The following PDE3B variants were observed in gnomAD, a reference collection of about 807,000 sequenced individuals.
The protein encoded by PDE3B is phosphodiesterase 3B.
In PDE3B, 66 loss-of-function variants were observed where a neutral mutation model predicts 116.8. The observed-to-expected ratio is 0.56, with a 90% CI of 0.46 to 0.69. The LOEUF is 0.69. Ranked by LOEUF, PDE3B falls within the 30% of genes least tolerant of loss-of-function variation. The probability of loss-of-function intolerance (pLI) is 0.00; values close to 1 mark genes in which losing one functional copy is unlikely to be tolerated. For synonymous variants in PDE3B, 595 were observed against 533.6 expected (o/e 1.12, Z -1.59); for missense variants, 1,384 against 1,368.1 (o/e 1.01, Z -0.18).
intron 1 of PDE3B, among the ~76,000 whole-genome samples, chr11:14,655,109 T>C (rs1853677407): frequency 6.6e-6 from 1 of 152,148 alleles, no homozygotes; most frequent in Non-Finnish European, 1.5e-5. Flanking sequence ...TCTGACTGTA[T>C]ACTCTTTGCA....
At chr11:14,818,999 C>A (rs538768963) in intron 6 of PDE3B, 137 bp from the exon 7 acceptor site, 166 of 531,524 alleles carry the variant, frequency 3.1e-4, no homozygotes, top group African/African-American at 2.7e-3. Flanking sequence ...AGCCTTTGAA[C>A]TTTATGGAGA....
intron 1 of PDE3B, among the ~76,000 whole-genome samples, chr11:14,687,513 G>A (rs899060037): frequency 5.3e-5 from 8 of 152,162 alleles, no homozygotes; most frequent in Admixed American, 3.3e-4. Flanking sequence ...TTAATATTAA[G>A]CATTAAACTT....
At chr11:14,834,916 GGAAATTATT>G (rs1860006817) in intron 10 of PDE3B, 57 bp from the exon 11 acceptor site, 4 of 795,478 alleles carry the variant, frequency 5.0e-6, no homozygotes, top group Non-Finnish European at 4.1e-6. Flanking sequence ...AGTATGACTA[GGAAATTATT>G]GTACTTTTTA....
intron 1 of PDE3B, among the ~76,000 whole-genome samples, chr11:14,725,699 T>G (rs1456557957): frequency 6.7e-6 from 1 of 148,806 alleles, no homozygotes. Flanking sequence ...TACTCCATCT[T>G]TAACATTTGT....
chr11:14,806,297 A>T (rs1174398339), intron 5 of PDE3B, among the ~76,000 whole-genome samples: 3 of 151,150 alleles, frequency 2.0e-5, no homozygotes, highest in African/African-American at 7.3e-5. Flanking sequence ...AAAAAAAAAA[A>T]ATCAGCTGGG....
chr11:14,660,377 C>G (rs969712318), intron 1 of PDE3B, among the ~76,000 whole-genome samples: 1 of 151,542 alleles, frequency 6.6e-6, no homozygotes, highest in Non-Finnish European at 1.5e-5. Flanking sequence ...TCTCGGCTCA[C>G]TGCAACCTCT....
At chr11:14,817,792 C>T (rs1227025208) in intron 5 of PDE3B, among the ~76,000 whole-genome samples, 2 of 151,906 alleles carry the variant, frequency 1.3e-5, no homozygotes, top group Non-Finnish European at 2.9e-5. Flanking sequence ...GAAAATAATT[C>T]AATAAAATTT....
intron 1 of PDE3B, among the ~76,000 whole-genome samples, chr11:14,747,823 A>G (rs1289272311): frequency 1.3e-5 from 2 of 152,198 alleles, no homozygotes; most frequent in African/African-American, 2.4e-5. Context: ...AACGCATGTA[A>G]TATACATATT....
intron 1 of PDE3B, among the ~76,000 whole-genome samples, chr11:14,737,943 T>C (rs1219761126): frequency 6.6e-6 from 1 of 152,194 alleles, no homozygotes; most frequent in African/African-American, 2.4e-5. Flanking sequence ...GCAAAGGACA[T>C]GAACTCATCA....
intron 1 of PDE3B, among the ~76,000 whole-genome samples, chr11:14,682,356 T>C (rs1328090153): frequency 6.6e-6 from 1 of 152,368 alleles, no homozygotes; most frequent in East Asian, 1.9e-4. Context: ...TCCTGCTTTA[T>C]TGTACTGGCT....
chr11:14,879,345 C>T, the PDE3B span: 2 of 1,612,514 alleles, frequency 1.2e-6, no homozygotes, highest in East Asian at 2.2e-5. Flanking sequence ...CTTAAAACTT[C>T]ATGCAAAACT....
At chr11:14,837,134 C>A (rs1346334373) in intron 11 of PDE3B, among the ~76,000 whole-genome samples, 2 of 152,200 alleles carry the variant, frequency 1.3e-5, no homozygotes, top group African/African-American at 4.8e-5. Context: ...TTAAAGACAG[C>A]AGCATAACAT....
chr11:14,697,224 C>T (rs558478637), intron 1 of PDE3B, among the ~76,000 whole-genome samples: 1 of 152,200 alleles, frequency 6.6e-6, no homozygotes, highest in South Asian at 2.1e-4. Context: ...AGCTGTGAGC[C>T]ACCACACCTG....
chr11:14,680,622 A>G (rs1214777174), intron 1 of PDE3B, among the ~76,000 whole-genome samples: 1 of 152,174 alleles, frequency 6.6e-6, no homozygotes, highest in East Asian at 1.9e-4. Context: ...ATTTGTATGT[A>G]CACTTATTGT....
chr11:14,891,615 A>G, the PDE3B span: 1 of 1,068,800 alleles, frequency 9.4e-7, no homozygotes, highest in Middle Eastern at 4.4e-4. Flanking sequence ...GCCGACTCGC[A>G]AGACGCCCGC....
chr11:14,798,623 C>T (rs918191062), intron 4 of PDE3B, among the ~76,000 whole-genome samples: 4 of 152,080 alleles, frequency 2.6e-5, no homozygotes, highest in Non-Finnish European at 4.4e-5. Context: ...TGTTATTGGT[C>T]GGTTCAGGGA....
rs150678041 is a variant in PDE3B, at chr11:14,786,674, A to G, written c.1267A>G (p.Lys423Glu). 8.1e-6 allele frequency: 13 copies of G among 1,610,666 alleles called. No homozygotes were observed. Among genetic ancestry groups the G allele is most frequent in the Non-Finnish European group, 1.1e-5 (13 of 1,177,126 alleles). Residue 423 changes from lysine to glutamate, a missense_variant, in exon 3 of 16, where the codon AAA becomes GAA. This residue lies in a region of PDE3B where 956 missense variants were observed against 806.8 expected (regional missense o/e 1.18). Coordinates refer to ENST00000282096, the MANE Select transcript of PDE3B (RefSeq NM_000922.4). ...GGACCCAGCTGAGAAAGGGGATAGA[A>G]AACTTAACAAGGTCGAAATACAGTA... Reference protein sequence around the residue: ...IEDPAEKGDRKLNKGLNRNSL... With the variant: ...IEDPAEKGDRELNKGLNRNSL...
At chr11:14,809,634 A>G (rs919570889) in intron 5 of PDE3B, among the ~76,000 whole-genome samples, 26 of 152,312 alleles carry the variant, frequency 1.7e-4, no homozygotes, top group Middle Eastern at 3.4e-3. Flanking sequence ...CAGTATTAAG[A>G]GATGGGGCCT....
At chr11:14,751,893 T>C (rs533539799) in intron 1 of PDE3B, among the ~76,000 whole-genome samples, 14 of 152,300 alleles carry the variant, frequency 9.2e-5, no homozygotes, top group African/African-American at 3.4e-4. Flanking sequence ...CTGCCCTTGC[T>C]AACAGGCTGA....
Sources: allele counts gnomAD v4.1 joint callset (sites outside exome capture counted in the v4.1 genomes callset), GRCh38; gene constraint gnomAD v4.1.1; regional missense constraint gnomAD v4.1.1; transcripts MANE v1.5; gene names NCBI Gene and HGNC (gene_info 2026-07-23, HGNC 2026-07-21).